VRK1: variants seen among roughly 807,000 people sequenced by gnomAD.
The protein encoded by VRK1 is serine/threonine-protein kinase VRK1.
VRK1 carries 33 observed loss-of-function variants against 57.1 expected under a neutral mutation model. The ratio of observed to expected loss-of-function variants is 0.58; its 90% CI spans 0.44 to 0.77. VRK1 has a LOEUF of 0.77. VRK1 is among the 30% of genes least tolerant of loss of function. The pLI is 0.00. For synonymous variants in VRK1, 137 were observed against 147.8 expected, an observed-to-expected ratio of 0.93 and a Z score of 0.53; for missense variants, 413 against 477.3, an observed-to-expected ratio of 0.87 and a Z score of 1.25.
At chr14:96,823,412 T>C (rs1886678220) in intron 1 of VRK1, among the ~76,000 whole-genome samples, 1 of 152,230 alleles carries the variant, frequency 6.6e-6, no homozygotes, top group South Asian at 2.1e-4. Context: ...TTAACATTTA[T>C]TTATTGCTGT....
At chr14:96,867,508 C>T (rs1319115168) in intron 11 of VRK1, among the ~76,000 whole-genome samples, 6 of 150,190 alleles carry the variant, frequency 4.0e-5, no homozygotes, top group Non-Finnish European at 8.9e-5. Context: ...TTTGTTTTTA[C>T]ACTTTAATTA....
At chr14:96,856,948 A>G (rs1056952350) in intron 10 of VRK1, among the ~76,000 whole-genome samples, 2 of 152,074 alleles carry the variant, frequency 1.3e-5, no homozygotes, top group African/African-American at 4.8e-5. Context: ...AGCCTGGGTG[A>G]CAGAGTGAGA....
At chr14:96,818,536 A>G (rs1365773882) in intron 1 of VRK1, among the ~76,000 whole-genome samples, 1 of 152,152 alleles carries the variant, frequency 6.6e-6, no homozygotes, top group African/African-American at 2.4e-5. Context: ...GTTTAGCTTA[A>G]TGTTTTTCAG....
At chr14:96,826,708 A>G (rs2058513935) in intron 1 of VRK1, among the ~76,000 whole-genome samples, 1 of 152,358 alleles carries the variant, frequency 6.6e-6, no homozygotes, top group Middle Eastern at 3.4e-3. Context: ...AATGTACTAA[A>G]GTGATTGTTT....
At chr14:96,877,452 G>A (rs751573110) in intron 12 of VRK1, 9 of 1,270,296 alleles carry the variant, frequency 7.1e-6, no homozygotes, top group South Asian at 5.0e-5. Flanking sequence ...TCTTCCTTTC[G>A]CTACTGTCTT....
chr14:96,845,877 C>A (rs1262791531), intron 3 of VRK1, among the ~76,000 whole-genome samples: 1 of 152,102 alleles, frequency 6.6e-6, no homozygotes, highest in Non-Finnish European at 1.5e-5. Context: ...TATAATTTAT[C>A]ACTTATAGAA....
At chr14:96,802,606 TGA>T (rs1885707994) in intron 1 of VRK1, among the ~76,000 whole-genome samples, 1 of 152,210 alleles carries the variant, frequency 6.6e-6, no homozygotes, top group Non-Finnish European at 1.5e-5. Context: ...TTCTTTGAGA[TGA>T]TAGAACAGTT....
chr14:96,799,914 A>G (rs1378389105), intron 1 of VRK1, among the ~76,000 whole-genome samples: 3 of 151,820 alleles, frequency 2.0e-5, no homozygotes, highest in African/African-American at 7.3e-5. Context: ...GTTTTGCTGA[A>G]GCAAGTTTTC....
At chr14:96,839,062 T>C (rs555783603) in intron 3 of VRK1, among the ~76,000 whole-genome samples, 1 of 150,286 alleles carries the variant, frequency 6.7e-6, no homozygotes, top group Admixed American at 6.6e-5. Flanking sequence ...CTTGCACCCT[T>C]GGAGGCAACC....
chr14:96,860,736 G>C lies in VRK1; in HGVS notation c.1068+1G>C. 1 of 1,611,558 alleles carries C rather than the reference G, an allele frequency of 6.2e-7. No individual in the cohort carries two copies. The highest frequency in any genetic ancestry group is 8.5e-7 in the Non-Finnish European group (1 of 1,178,784). ...TTTGAAAGCAAAAACAATAACAAAG[G>C]TGAATTTTGTTATTAAATTATTCTT... On this transcript the variant is annotated splice_donor_variant, in intron 11 of 12. Coordinates refer to ENST00000216639, the MANE Select transcript of VRK1 (RefSeq NM_003384.3). LOFTEE classifies it high-confidence loss of function.
intron 11 of VRK1, among the ~76,000 whole-genome samples, chr14:96,867,458 TGTG>T (rs1410360134): frequency 1.0e-4 from 2 of 19,470 alleles, no homozygotes; most frequent in Non-Finnish European, 2.7e-4. Flanking sequence ...TGTGCACAAG[TGTG>T]TGTGTGTGTG....
intron 3 of VRK1, among the ~76,000 whole-genome samples, chr14:96,841,701 G>A (rs1360700598): frequency 6.6e-6 from 1 of 151,920 alleles, no homozygotes; most frequent in Non-Finnish European, 1.5e-5. Context: ...CAGGTGTGGT[G>A]GTGCCTGCCT....
chr14:96,835,613 T>C (rs1035626268), intron 2 of VRK1, among the ~76,000 whole-genome samples: 3 of 152,210 alleles, frequency 2.0e-5, no homozygotes. Context: ...TTCTAAAACT[T>C]GTATCATCAT....
At chr14:96,848,599 A>C (rs1188028131) in intron 5 of VRK1, among the ~76,000 whole-genome samples, 1 of 152,208 alleles carries the variant, frequency 6.6e-6, no homozygotes, top group Admixed American at 6.5e-5. Flanking sequence ...CTGGGATAGC[A>C]AAATATATTA....
chr14:96,833,751 T>C (rs953700862), intron 2 of VRK1, 120 bp downstream of exon 2: 1 of 1,453,364 alleles, frequency 6.9e-7, no homozygotes, highest in Admixed American at 1.8e-5. Flanking sequence ...AACTTAATAG[T>C]TTCTGATTAA....
At chr14:96,848,812 A>G (rs1243270436) in intron 5 of VRK1, among the ~76,000 whole-genome samples, 6 of 152,228 alleles carry the variant, frequency 3.9e-5, no homozygotes, top group Non-Finnish European at 7.3e-5. Context: ...ATGTTTTAGT[A>G]TAAAGCTACA....
chr14:96,808,003 C>G (rs186053097), intron 1 of VRK1, among the ~76,000 whole-genome samples: 889 of 26,646 alleles, frequency 0.033, 5 homozygotes, highest in Middle Eastern at 0.11. Flanking sequence ...CCCTCTCTCC[C>G]TCTCTCTCTC....
chr14:96,822,544 G>T (rs1280061701), intron 1 of VRK1, among the ~76,000 whole-genome samples: 1 of 152,208 alleles, frequency 6.6e-6, no homozygotes, highest in African/African-American at 2.4e-5. Flanking sequence ...GGTGACTTGT[G>T]ACAGAGGCAC....
chr14:96,814,987 A>C (rs1016457514), intron 1 of VRK1, among the ~76,000 whole-genome samples: 1 of 152,194 alleles, frequency 6.6e-6, no homozygotes, highest in African/African-American at 2.4e-5. Context: ...TGCAGTAACT[A>C]TCCATGTATA....
Sources: allele counts gnomAD v4.1 joint callset (sites outside exome capture counted in the v4.1 genomes callset), GRCh38; gene constraint gnomAD v4.1.1; transcripts MANE v1.5; gene names NCBI Gene and HGNC (gene_info 2026-07-23, HGNC 2026-07-21).